The following GABRB2 variants were observed in gnomAD, a reference collection of about 807,000 sequenced individuals.
GABRB2 encodes gamma-aminobutyric acid receptor subunit beta-2.
GABRB2 carries 16 observed loss-of-function variants against 54.7 expected under a neutral mutation model. That is an observed-to-expected ratio of 0.29 (90% CI 0.20 to 0.44). GABRB2 has a LOEUF of 0.44. Ranked by LOEUF, GABRB2 falls within the 20% of genes least tolerant of loss-of-function variation. GABRB2 has a pLI of 1.00. For missense variants in GABRB2, 355 were observed against 644.0 expected (o/e 0.55, Z 4.86); for synonymous variants, 244 against 233.8 (o/e 1.04, Z -0.40).
chr5:161,438,340 A>C (rs1431891990), intron 4 of GABRB2, among the ~76,000 whole-genome samples: 2 of 152,182 alleles, frequency 1.3e-5, no homozygotes, highest in Non-Finnish European at 2.9e-5. Flanking sequence ...TCATTACTGG[A>C]CTTGAGGTGC....
rs575035330 is a variant in GABRB2, at chr5:161,420,464, C to T, written c.459-9407G>A. On this transcript the variant is annotated intron_variant, in intron 4 of 9. Coordinates refer to ENST00000393959, the MANE Select transcript of GABRB2 (RefSeq NM_001371727.1). The stretch of plus-strand genomic sequence containing the variant: ...CTAAAGAGTAGACAGTTTGGACTTC[C>T]GAAACAGGCTCCCTGGGCTTCAGGG... Among the ~76,000 whole-genome samples, 247 of 152,326 alleles carry T rather than the reference C, an allele frequency of 1.6e-3. 1 individual carries two copies. Among genetic ancestry groups the T allele is most frequent in the African/African-American group, 5.5e-3 (229 of 41,582 alleles).
intron 5 of GABRB2, among the ~76,000 whole-genome samples, chr5:161,343,510 AT>A (rs1754233240): frequency 6.6e-6 from 1 of 152,044 alleles, no homozygotes. Flanking sequence ...AAAACTGTGT[AT>A]TTGTTGTCTT....
chr5:161,548,155 C>G (rs1288957254), upstream of GABRB2: 3 of 152,586 alleles, frequency 2.0e-5, no homozygotes, highest in African/African-American at 7.2e-5. Context: ...GAGGCTGCCT[C>G]TTCCCTTCCT....
intron 8 of GABRB2, chr5:161,326,988 G>A (rs1758384893): frequency 2.0e-6 from 2 of 983,882 alleles, no homozygotes; most frequent in South Asian, 9.4e-5. Context: ...GTTGAAACTT[G>A]AAGCTACGGG....
At chr5:161,541,484 CTT>C (rs1490652507) in intron 3 of GABRB2, among the ~76,000 whole-genome samples, 3 of 152,224 alleles carry the variant, frequency 2.0e-5, no homozygotes, top group Non-Finnish European at 4.4e-5. Context: ...CTAATAAAGT[CTT>C]TTGTGCAGAA....
intron 3 of GABRB2, among the ~76,000 whole-genome samples, chr5:161,479,104 C>T (rs1581020276): frequency 6.6e-6 from 1 of 152,172 alleles, no homozygotes; most frequent in Middle Eastern, 3.4e-3. Context: ...AATTCTCATG[C>T]TTCCAAGAGA....
At chr5:161,359,811 G>A (rs542359615) in intron 5 of GABRB2, among the ~76,000 whole-genome samples, 8 of 152,196 alleles carry the variant, frequency 5.3e-5, no homozygotes, top group East Asian at 1.9e-4. Flanking sequence ...GGCCGGGTGC[G>A]GTGGCTCATG....
At chr5:161,448,416 A>C (rs1757697215) in intron 4 of GABRB2, among the ~76,000 whole-genome samples, 1 of 152,194 alleles carries the variant, frequency 6.6e-6, no homozygotes. Context: ...CCTGTATCTA[A>C]AAAAACTGAG....
chr5:161,513,006 C>T (rs1369354831), intron 3 of GABRB2, among the ~76,000 whole-genome samples: 1 of 150,738 alleles, frequency 6.6e-6, no homozygotes, highest in Non-Finnish European at 1.5e-5. Context: ...AGTGAGATAC[C>T]ATCACACACC....
At chr5:161,513,671 CTG>C (rs1759846987) in intron 3 of GABRB2, among the ~76,000 whole-genome samples, 1 of 152,036 alleles carries the variant, frequency 6.6e-6, no homozygotes, top group Non-Finnish European at 1.5e-5. Context: ...GAAAAACTAA[CTG>C]TTGCATACTG....
intron 4 of GABRB2, among the ~76,000 whole-genome samples, chr5:161,412,543 A>G (rs557718697): frequency 6.6e-6 from 1 of 152,154 alleles, no homozygotes; most frequent in Non-Finnish European, 1.5e-5. Context: ...TTTTAAAAAC[A>G]TAAATTAGAT....
chr5:161,423,574 T>G (rs1291820662), intron 4 of GABRB2, among the ~76,000 whole-genome samples: 2 of 152,200 alleles, frequency 1.3e-5, no homozygotes, highest in African/African-American at 4.8e-5. Context: ...CCACGAAGCA[T>G]GTCCATATAA....
chr5:161,478,939 C>T (rs1276461964), intron 3 of GABRB2, among the ~76,000 whole-genome samples: 2 of 151,990 alleles, frequency 1.3e-5, no homozygotes, highest in East Asian at 1.9e-4. Context: ...AAGCAGCAAG[C>T]TCTGAAGAGA....
intron 4 of GABRB2, 122 bp downstream of exon 4, chr5:161,459,502 G>T: frequency 8.5e-6 from 7 of 819,524 alleles, no homozygotes; most frequent in Non-Finnish European, 1.0e-5. Flanking sequence ...TGGATAGGAG[G>T]CTTAACTGTT....
intron 4 of GABRB2, among the ~76,000 whole-genome samples, chr5:161,412,796 C>T (rs1756558034): frequency 2.0e-5 from 3 of 152,186 alleles, no homozygotes; most frequent in Non-Finnish European, 4.4e-5. Flanking sequence ...TTCTGAGAGT[C>T]CCTTTCCAAG....
chr5:161,330,271 G>A (rs1038692860), intron 8 of GABRB2: 1 of 152,248 alleles, frequency 6.6e-6, no homozygotes, highest in African/African-American at 2.4e-5. Context: ...TGGTATATGT[G>A]CAAGGCATTG....
intron 4 of GABRB2, among the ~76,000 whole-genome samples, chr5:161,415,990 G>A (rs1362354451): frequency 6.8e-6 from 1 of 146,300 alleles, no homozygotes; most frequent in African/African-American, 2.5e-5. Flanking sequence ...CCATGCTGGA[G>A]GGCAGTGGAA....
chr5:161,365,431 G>A lies in GABRB2; in HGVS notation c.542-28662C>T, dbSNP rs1266635402. Among the ~76,000 whole-genome samples the A allele has an allele frequency of 2.6e-5, 4 of 152,074 alleles. No homozygotes were observed. In the East Asian group the frequency reaches 7.7e-4, roughly 29 times the overall value. ...CTTATTTTGTAATATACATTTCAAT[G>A]TAGTATTGTTATGTTTTTATATTGA... On this transcript the variant is annotated intron_variant, in intron 5 of 9. Coordinates refer to ENST00000393959, the MANE Select transcript of GABRB2 (RefSeq NM_001371727.1).
intron 5 of GABRB2, among the ~76,000 whole-genome samples, chr5:161,379,273 A>G (rs1156259514): frequency 6.6e-6 from 1 of 152,146 alleles, no homozygotes; most frequent in Non-Finnish European, 1.5e-5. Context: ...AAAAGCAACA[A>G]CAAATTGTGG....
Sources: allele counts gnomAD v4.1 joint callset (sites outside exome capture counted in the v4.1 genomes callset), GRCh38; gene constraint gnomAD v4.1.1; transcripts MANE v1.5; gene names NCBI Gene and HGNC (gene_info 2026-07-23, HGNC 2026-07-21).